Variants in TGFBR1 observed in about 807,000 individuals in gnomAD.
TGFBR1 encodes transforming growth factor beta receptor 1.
A neutral mutation model predicts 55.1 loss-of-function variants in TGFBR1; 20 were observed. The observed-to-expected ratio is 0.36, with a 90% CI of 0.26 to 0.53. The LOEUF (loss-of-function observed/expected upper bound fraction) is 0.53, where lower values mean the gene tolerates loss of function less well. TGFBR1 is among the 20% of genes least tolerant of loss of function. The probability of loss-of-function intolerance (pLI) is 0.91; values close to 1 mark genes in which losing one functional copy is unlikely to be tolerated. For synonymous variants in TGFBR1, 220 were observed against 214.8 expected (o/e 1.02, Z -0.21); for missense variants, 385 against 617.6 (o/e 0.62, Z 3.99).
At chr9:99,129,196 C>A (rs769687122) in intron 2 of TGFBR1, 96 bp downstream of exon 2, 23 of 1,377,538 alleles carry the variant, frequency 1.7e-5, no homozygotes, top group East Asian at 2.4e-5. Context: ...ATTGTCTAAT[C>A]CAGCTCATTC....
intron 2 of TGFBR1, among the ~76,000 whole-genome samples, chr9:99,131,459 G>T (rs1455803275): frequency 6.6e-6 from 1 of 152,160 alleles, no homozygotes; most frequent in Non-Finnish European, 1.5e-5. Context: ...GATGTGATAT[G>T]AAAGAAATGG....
intron 4 of TGFBR1, among the ~76,000 whole-genome samples, chr9:99,140,240 A>G (rs1588587953): frequency 6.6e-6 from 1 of 152,162 alleles, no homozygotes; most frequent in Non-Finnish European, 1.5e-5. Context: ...CACGAGGTCA[A>G]GAGTTCAAGA....
At chr9:99,136,119 T>G (rs1827431491) in intron 3 of TGFBR1, among the ~76,000 whole-genome samples, 1 of 152,174 alleles carries the variant, frequency 6.6e-6, no homozygotes, top group Admixed American at 6.5e-5. Context: ...CCTCCTAAAG[T>G]GCTGGGATTA....
At chr9:99,118,313 T>C (rs1826806182) in intron 1 of TGFBR1, among the ~76,000 whole-genome samples, 1 of 152,204 alleles carries the variant, frequency 6.6e-6, no homozygotes, top group African/African-American at 2.4e-5. Context: ...ATCTTCCTTT[T>C]GTTTATTTCT....
At chr9:99,124,236 T>C (rs1826972219) in intron 1 of TGFBR1, among the ~76,000 whole-genome samples, 1 of 152,140 alleles carries the variant, frequency 6.6e-6, no homozygotes, top group Admixed American at 6.6e-5. Flanking sequence ...GGACTCAGGA[T>C]TTTAATTATC....
In TGFBR1 at chr9:99,138,079, A is replaced by C. The variant is rs200158200; in HGVS notation, c.795A>C (p.Ala265=). Reference sequence around the variant, plus strand: ...AAAACATCCTGGGATTTATAGCAGCAGACAATAAAGGTCTGTAACATTTGC... The same window carrying C: ...AAAACATCCTGGGATTTATAGCAGCCGACAATAAAGGTCTGTAACATTTGC... ...RHENILGFIA[A]DNKDNGTWTQ... is the part of the protein sequence containing the mutation. Residue 265 remains alanine, a synonymous_variant, in exon 4 of 9, where the codon GCA becomes GCC. Coordinates refer to ENST00000374994, the MANE Select transcript of TGFBR1 (RefSeq NM_004612.4). 1.9e-6 allele frequency: 3 copies of C among 1,613,714 alleles called. No homozygotes were observed. Among genetic ancestry groups the C allele is most frequent in the Non-Finnish European group, 2.5e-6 (3 of 1,179,656 alleles).
At chr9:99,132,471 CGTT>C (rs777721810) in intron 2 of TGFBR1, 35 bp from the exon 3 acceptor site, 2 of 1,611,412 alleles carry the variant, frequency 1.2e-6, no homozygotes, top group Admixed American at 1.7e-5. Context: ...GTGTTTTTGT[CGTT>C]GTTGATGTTT....
intron 4 of TGFBR1, among the ~76,000 whole-genome samples, chr9:99,141,560 CT>C (rs1350145271): frequency 6.6e-6 from 1 of 152,132 alleles, no homozygotes; most frequent in Admixed American, 6.6e-5. Context: ...AGACTTTATT[CT>C]TGTATAAAAG....
At chr9:99,133,743 C>T (rs921918737) in intron 3 of TGFBR1, among the ~76,000 whole-genome samples, 7 of 152,140 alleles carry the variant, frequency 4.6e-5, no homozygotes, top group Non-Finnish European at 7.4e-5. Flanking sequence ...AAGTATGAGT[C>T]ATCTTCAAAT....
At chr9:99,144,969 G>A in intron 6 of TGFBR1, 81 bp downstream of exon 6, 1 of 1,500,256 alleles carries the variant, frequency 6.7e-7, no homozygotes, top group Non-Finnish European at 9.1e-7. Flanking sequence ...TATCATTGCT[G>A]AAACTCAGCT....
chr9:99,135,821 A>G (rs1827421093), intron 3 of TGFBR1, among the ~76,000 whole-genome samples: 2 of 145,512 alleles, frequency 1.4e-5, no homozygotes, highest in Non-Finnish European at 3.0e-5. Flanking sequence ...AATTAGGCCT[A>G]TTCAGTTTTG....
chr9:99,114,016 G>C lies in TGFBR1; in HGVS notation c.97+8714G>C, dbSNP rs562613305. Among the ~76,000 whole-genome samples, 7 of 152,286 alleles carry C rather than the reference G, an allele frequency of 4.6e-5. No homozygotes were observed. The South Asian group carries it at 1.5e-3, about 32-fold the overall frequency. ...TTCTGTACTTTTGGGCATAATCCAA[G>C]CTTCCTTGCTTACTGGTTTTAGCCA... On this transcript the variant is annotated intron_variant, in intron 1 of 8. Transcript: ENST00000374994.
chr9:99,108,875 G>T (rs1003275487), intron 1 of TGFBR1, among the ~76,000 whole-genome samples: 2 of 152,138 alleles, frequency 1.3e-5, no homozygotes, highest in Non-Finnish European at 2.9e-5. Context: ...ATTATGGGAT[G>T]CCCAGTAGGA....
In TGFBR1 at chr9:99,127,356, C is replaced by CTTCA. The variant is rs1322377365; in HGVS notation, c.98-1498_98-1495dup. Reference sequence around the variant, plus strand: ...AGGCTTGCAGCATCTGCATGACAGGCTTCAGCCCCTCAGACTTCTCCTACC... The same window carrying CTTCA: ...AGGCTTGCAGCATCTGCATGACAGGCTTCATTCAGCCCCTCAGACTTCTCCTACC... On this transcript the variant is annotated intron_variant, in intron 1 of 8. Transcript: ENST00000374994. 3.9e-5 allele frequency among the ~76,000 whole-genome samples: 6 copies of CTTCA among 152,266 alleles called. No homozygotes were observed. The East Asian group carries it at 1.2e-3, about 29-fold the overall frequency.
chr9:99,137,836 G>C (rs1261097264), intron 3 of TGFBR1, 23 bp from the exon 4 acceptor site: 1 of 1,581,082 alleles, frequency 6.3e-7, no homozygotes, highest in Non-Finnish European at 8.7e-7. Context: ...ATTGTGTTGA[G>C]TACTATTTAT....
At chr9:99,114,918 G>C (rs1008251688) in intron 1 of TGFBR1, among the ~76,000 whole-genome samples, 1 of 152,102 alleles carries the variant, frequency 6.6e-6, no homozygotes, top group African/African-American at 2.4e-5. Context: ...AGTAATGGAC[G>C]TTCGGAATGA....
In TGFBR1 at chr9:99,135,400, G is replaced by A. The variant is rs939736120; in HGVS notation, c.575-2459G>A. Among the ~76,000 whole-genome samples the A allele has an allele frequency of 2.6e-5, 4 of 152,132 alleles. No homozygotes were observed. In the East Asian group the frequency reaches 5.8e-4, roughly 22 times the overall value. ...GTGTGTTTGTAATACTCTGTTTTTAGTTCTTTCATTAATTGAGGAAAAGGT... is the reference window on the plus strand; with the variant it reads ...GTGTGTTTGTAATACTCTGTTTTTAATTCTTTCATTAATTGAGGAAAAGGT... On this transcript the variant is annotated intron_variant, in intron 3 of 8. Coordinates refer to ENST00000374994, the MANE Select transcript of TGFBR1 (RefSeq NM_004612.4).
chr9:99,131,968 C>CAAA (rs796838252), intron 2 of TGFBR1, among the ~76,000 whole-genome samples: 5 of 106,478 alleles, frequency 4.7e-5, no homozygotes, highest in African/African-American at 1.4e-4. Context: ...AAATCCATCT[C>CAAA]AAAAAAAAAA....
rs181994273 is a variant in TGFBR1, at chr9:99,153,013, A to T, written c.*3708A>T. ...TTACAACTTAAAAGGAACTTCAGTG[A>T]ATTTGTTTTTATTTTTTAACAAGAT... On this transcript the variant is annotated 3_prime_UTR_variant, in exon 9 of 9. Transcript: ENST00000374994. 6.3e-4 allele frequency: 144 copies of T among 228,670 alleles called. No homozygotes were observed. Among genetic ancestry groups the T allele is most frequent in the African/African-American group, 3.0e-3 (134 of 45,238 alleles). 14.2% of individuals were successfully genotyped at this position (228,670 alleles called of 1,614,324 possible). A position where few individuals can be genotyped will look rare whatever the true frequency, so the allele number is the denominator to read the frequency against.
Sources: allele counts gnomAD v4.1 joint callset (sites outside exome capture counted in the v4.1 genomes callset), GRCh38; gene constraint gnomAD v4.1.1; transcripts MANE v1.5; gene names NCBI Gene and HGNC (gene_info 2026-07-23, HGNC 2026-07-21).